The following DNAJA2 variants were observed in gnomAD, a reference collection of about 807,000 sequenced individuals.
The protein encoded by DNAJA2 is dnaJ homolog subfamily A member 2.
DNAJA2 carries 6 observed loss-of-function variants against 49.3 expected under a neutral mutation model. The ratio of observed to expected loss-of-function variants is 0.12; its 90% CI spans 0.07 to 0.24. DNAJA2 has a LOEUF of 0.24. Among genes scored for constraint, DNAJA2 ranks in the 10% least tolerant of loss-of-function variants. The probability of loss-of-function intolerance (pLI) is 1.00; values close to 1 mark genes in which losing one functional copy is unlikely to be tolerated. For missense variants in DNAJA2, 347 were observed against 516.8 expected (o/e 0.67, Z 3.19); for synonymous variants, 160 against 172.7 (o/e 0.93, Z 0.58).
At chr16:46,969,491 C>G (rs1285290479) in intron 3 of DNAJA2, among the ~76,000 whole-genome samples, 1 of 152,182 alleles carries the variant, frequency 6.6e-6, no homozygotes, top group Admixed American at 6.6e-5. Flanking sequence ...AAATACACAT[C>G]TCAACAAAGA....
chr16:46,964,422 G>A (rs1961940546), intron 6 of DNAJA2, among the ~76,000 whole-genome samples, 189 bp downstream of exon 6: 1 of 152,142 alleles, frequency 6.6e-6, no homozygotes. Flanking sequence ...CTCTTACAGT[G>A]CTTCTAACTG....
In DNAJA2 at chr16:46,957,096, T is replaced by C; in HGVS notation, c.1172A>G (p.Tyr391Cys). The stretch of plus-strand genomic sequence containing the variant: ...GCTTTCTTCATCAGAGCTATCATTA[T>C]AGGCTTCACGCCTCTGACCACCTCC... The part of the protein sequence containing the change: ...GSGGGQRREA[Y>C]NDSSDEESSS... The change falls in exon 9 of 9, where the codon TAT (tyrosine) becomes TGT (cysteine). Residue 391 changes from tyrosine (Y) to cysteine (C), a missense_variant. Tyr to Cys is a radical substitution (Grantham distance 194). Transcript: ENST00000317089. 1 of 1,614,246 alleles carries C rather than the reference T, an allele frequency of 6.2e-7. No individual in the cohort carries two copies. Among genetic ancestry groups the C allele is most frequent in the Non-Finnish European group, 8.5e-7 (1 of 1,180,048 alleles).
At chr16:46,973,225 G>A (rs933885374) in intron 1 of DNAJA2, among the ~76,000 whole-genome samples, 1 of 152,104 alleles carries the variant, frequency 6.6e-6, no homozygotes, top group South Asian at 2.1e-4. Flanking sequence ...AAGGAGGGAG[G>A]AAGGAAGGGC....
In DNAJA2 at chr16:46,956,272, A is replaced by G. The variant is rs979885359; in HGVS notation, c.*757T>C. 5 of 152,204 alleles carry G rather than the reference A, an allele frequency of 3.3e-5. No individual in the cohort carries two copies. The highest frequency in any genetic ancestry group is 4.4e-5 in the Non-Finnish European group (3 of 68,054). 9.4% of individuals were successfully genotyped at this position (152,204 alleles called of 1,614,324 possible). On this transcript the variant is annotated 3_prime_UTR_variant, in exon 9 of 9. Coordinates refer to ENST00000317089, the MANE Select transcript of DNAJA2 (RefSeq NM_005880.4). ...TCTTCCAAGACTATAAGATGGGCAT[A>G]GGCCTGAGATATAAGCTTCAGGCCA...
intron 6 of DNAJA2, 97 bp downstream of exon 6, chr16:46,964,514 T>A: frequency 8.3e-7 from 1 of 1,198,796 alleles, no homozygotes; most frequent in Non-Finnish European, 1.2e-6. Flanking sequence ...TGTTCAGTGT[T>A]GCTCCAGGGA....
At chr16:46,958,575 CAAA>C (rs1238810425) in intron 8 of DNAJA2, 1 of 40,718 alleles carries the variant, frequency 2.5e-5, no homozygotes, top group Non-Finnish European at 7.8e-5. Flanking sequence ...AAAAAAAAAA[CAAA>C]AACAAACAAA....
chr16:46,964,555 G>C, intron 6 of DNAJA2, 56 bp downstream of exon 6: 6 of 1,525,126 alleles, frequency 3.9e-6, no homozygotes, highest in African/African-American at 1.4e-5. Context: ...TTTCTCACAA[G>C]CAAGAAGTAC....
intron 1 of DNAJA2, chr16:46,972,323 T>A (rs1596660022): frequency 5.2e-6 from 1 of 192,094 alleles, no homozygotes; most frequent in Non-Finnish European, 1.1e-5. Context: ...TAAATGACTG[T>A]TAAGCTTTGC....
chr16:46,966,167 G>C (rs1484195563), intron 5 of DNAJA2, among the ~76,000 whole-genome samples: 2 of 152,158 alleles, frequency 1.3e-5, no homozygotes, highest in Admixed American at 6.5e-5. Context: ...GGCGGTGGAG[G>C]CTGCGGTGAG....
intron 3 of DNAJA2, among the ~76,000 whole-genome samples, chr16:46,970,611 TGTAATCC>T (rs1465399150): frequency 6.6e-6 from 1 of 150,868 alleles, no homozygotes; most frequent in Non-Finnish European, 1.5e-5. Context: ...TGCGGGTGCC[TGTAATCC>T]CAGCTACTTG....
intron 6 of DNAJA2, among the ~76,000 whole-genome samples, chr16:46,961,952 G>C (rs1169924228): frequency 6.6e-6 from 1 of 151,596 alleles, no homozygotes; most frequent in African/African-American, 2.4e-5. Flanking sequence ...ACACAAACAG[G>C]CACACTGACA....
chr16:46,967,296 T>G (rs1451147297), intron 5 of DNAJA2, among the ~76,000 whole-genome samples: 1 of 152,034 alleles, frequency 6.6e-6, no homozygotes, highest in Non-Finnish European at 1.5e-5. Context: ...GAGGTCTCCC[T>G]ATATTGCCCA....
chr16:46,970,726 A>G, intron 3 of DNAJA2, among the ~76,000 whole-genome samples: 1 of 116,922 alleles, frequency 8.6e-6, no homozygotes, highest in African/African-American at 4.2e-5. Context: ...CAGGGACTCC[A>G]TTTCAAAAAA....
chr16:46,971,032 T>A (rs1301207127), intron 3 of DNAJA2, among the ~76,000 whole-genome samples: 5 of 147,882 alleles, frequency 3.4e-5, no homozygotes, highest in African/African-American at 1.2e-4. Context: ...CGAAACTCGG[T>A]CTCAAAAAAA....
rs941356005 is a variant in DNAJA2, at chr16:46,960,765, C to T, written c.775-1346G>A. 1.0e-4 allele frequency among the ~76,000 whole-genome samples: 15 copies of T among 148,956 alleles called. 1 individual carries two copies. Among genetic ancestry groups the T allele is most frequent in the Admixed American group, 4.7e-4 (7 of 15,012 alleles). ...CTGCACTCCAGCCTGGGCGACACAGCGAGACTCCATCTCAATAAGAAAAAA... is the reference window on the plus strand; with the variant it reads ...CTGCACTCCAGCCTGGGCGACACAGTGAGACTCCATCTCAATAAGAAAAAA... On this transcript the variant is annotated intron_variant, in intron 6 of 8. Coordinates refer to ENST00000317089, the MANE Select transcript of DNAJA2 (RefSeq NM_005880.4).
chr16:46,965,330 G>C (rs1961953533), intron 5 of DNAJA2, among the ~76,000 whole-genome samples: 1 of 152,138 alleles, frequency 6.6e-6, no homozygotes, highest in Non-Finnish European at 1.5e-5. Context: ...ACCATGTTTA[G>C]GGCAACACAG....
At chr16:46,965,768 C>T (rs1253837063) in intron 5 of DNAJA2, among the ~76,000 whole-genome samples, 1 of 149,682 alleles carries the variant, frequency 6.7e-6, no homozygotes, top group East Asian at 2.0e-4. Flanking sequence ...GAGGCAGAGG[C>T]TTCGGTGAGC....
At position 46,956,783 on chromosome 16, in the gene DNAJA2, G is replaced by GT; in HGVS notation, c.*245_*246insA. The GT allele has an allele frequency of 2.5e-6, 1 of 403,438 alleles. No homozygotes were observed. The allele number at this position is 403,438 out of a possible 1,614,324, so 25.0% of individuals were successfully genotyped here. On this transcript the variant is annotated 3_prime_UTR_variant, in exon 9 of 9. Transcript: ENST00000317089. The stretch of plus-strand genomic sequence containing the variant: ...TTGAAACTTATAATAATCCATGTGT[G>GT]AAAGGGAGTCTTGTTTCCTTTCAAG...
chr16:46,968,743 G>A (rs190308956), intron 3 of DNAJA2, among the ~76,000 whole-genome samples: 2 of 152,254 alleles, frequency 1.3e-5, no homozygotes, highest in East Asian at 3.9e-4. Context: ...ATGACAGAAA[G>A]GAGGGATAGA....
Sources: gnomAD v4.1 joint callset for allele counts (sites outside exome capture counted in the v4.1 genomes callset) on GRCh38, gnomAD v4.1.1 for gene constraint, MANE v1.5 for transcripts, NCBI Gene and HGNC (gene_info 2026-07-23, HGNC 2026-07-21) for gene names.